ARIH1: variants seen among roughly 807,000 people sequenced by gnomAD.
The protein encoded by ARIH1 is E3 ubiquitin-protein ligase ARIH1.
ARIH1 carries 8 observed loss-of-function variants against 85.0 expected under a neutral mutation model. The ratio of observed to expected loss-of-function variants is 0.09; its 90% CI spans 0.06 to 0.17. ARIH1 has a LOEUF of 0.17. Among genes scored for constraint, ARIH1 ranks in the 10% least tolerant of loss-of-function variants. ARIH1 has a pLI of 1.00. For missense variants in ARIH1, 311 were observed against 718.1 expected (o/e 0.43, Z 6.48); for synonymous variants, 238 against 253.6 (o/e 0.94, Z 0.59).
chr15:72,568,706 T>G (rs1171567260), intron 9 of ARIH1, among the ~76,000 whole-genome samples: 1 of 152,152 alleles, frequency 6.6e-6, no homozygotes, highest in Non-Finnish European at 1.5e-5. Context: ...AACCAAGAAA[T>G]GTAGAATGTA....
chr15:72,578,438 A>G (rs1378024275), intron 11 of ARIH1, among the ~76,000 whole-genome samples: 1 of 152,108 alleles, frequency 6.6e-6, no homozygotes, highest in Non-Finnish European at 1.5e-5. Flanking sequence ...ATTTCTCTCA[A>G]TGTGAATGGT....
At chr15:72,580,024 TACTC>T (rs1294313125) in intron 11 of ARIH1, among the ~76,000 whole-genome samples, 3 of 152,200 alleles carry the variant, frequency 2.0e-5, no homozygotes, top group Non-Finnish European at 2.9e-5. Flanking sequence ...TCTCAAAACT[TACTC>T]ATCCAGTCTA....
At chr15:72,521,120 C>G (rs1057207526) in intron 2 of ARIH1, among the ~76,000 whole-genome samples, 5 of 150,880 alleles carry the variant, frequency 3.3e-5, no homozygotes, top group Non-Finnish European at 7.4e-5. Flanking sequence ...GCTGGAATTA[C>G]AGACATGAGC....
chr15:72,521,703 C>T (rs1391722550), intron 2 of ARIH1, among the ~76,000 whole-genome samples: 1 of 151,974 alleles, frequency 6.6e-6, no homozygotes, highest in African/African-American at 2.4e-5. Flanking sequence ...CACCCACCAC[C>T]ATGCCTGGCT....
chr15:72,576,584 C>A (rs988757389), intron 11 of ARIH1, among the ~76,000 whole-genome samples: 5 of 149,134 alleles, frequency 3.4e-5, no homozygotes, highest in Admixed American at 3.3e-4. Context: ...TTCTGCAAAT[C>A]AGGTATTGGA....
intron 2 of ARIH1, among the ~76,000 whole-genome samples, chr15:72,521,601 G>A (rs1304572362): frequency 6.6e-6 from 1 of 151,870 alleles, no homozygotes; most frequent in Non-Finnish European, 1.5e-5. Context: ...TGGAGGGAGT[G>A]CAAGTGGTGC....
chr15:72,574,206 A>T (rs1408446541), intron 11 of ARIH1, among the ~76,000 whole-genome samples: 1 of 152,228 alleles, frequency 6.6e-6, no homozygotes, highest in Non-Finnish European at 1.5e-5. Context: ...TTTGAGCCAG[A>T]GTCTAATGTT....
chr15:72,532,998 A>G (rs1443336246), intron 2 of ARIH1, among the ~76,000 whole-genome samples: 1 of 152,254 alleles, frequency 6.6e-6, no homozygotes, highest in Non-Finnish European at 1.5e-5. Flanking sequence ...TTTCCCTTTT[A>G]GATGGGAGTT....
intron 9 of ARIH1, 66 bp downstream of exon 9, chr15:72,567,243 A>G: frequency 7.7e-7 from 1 of 1,302,838 alleles, no homozygotes; most frequent in Non-Finnish European, 1.1e-6. Flanking sequence ...TGGCATTAGC[A>G]AAAGCAATGA....
chr15:72,522,018 A>C (rs2064002466), intron 2 of ARIH1, among the ~76,000 whole-genome samples: 1 of 151,934 alleles, frequency 6.6e-6, no homozygotes, highest in Non-Finnish European at 1.5e-5. Context: ...AGTCGTATTG[A>C]ATTGTTTATT....
At position 72,590,538 on chromosome 15, in the gene ARIH1, C is replaced by T. The variant is rs1327889301; in HGVS notation, c.*7246C>T. 1 of 151,880 alleles carries T rather than the reference C, an allele frequency of 6.6e-6. No individual in the cohort carries two copies. The highest frequency in any genetic ancestry group is 1.5e-5 in the Non-Finnish European group (1 of 67,984). The allele number at this position is 151,880 out of a possible 1,614,324, so 9.4% of individuals were successfully genotyped here. A position where few individuals can be genotyped will look rare whatever the true frequency, so the allele number is the denominator to read the frequency against. Reference sequence around the variant, plus strand: ...TTCCAAACCCTTCCCAGAAGTCTAACCTTACTTTGATCTGATGACATGGGC... The same window carrying T: ...TTCCAAACCCTTCCCAGAAGTCTAATCTTACTTTGATCTGATGACATGGGC... On this transcript the variant is annotated 3_prime_UTR_variant, in exon 14 of 14. Transcript: ENST00000379887.
intron 1 of ARIH1, among the ~76,000 whole-genome samples, chr15:72,493,045 C>T (rs2140397335): frequency 6.6e-6 from 1 of 152,270 alleles, no homozygotes. Flanking sequence ...GTAAGTGGTC[C>T]TGTAGACTAT....
intron 11 of ARIH1, among the ~76,000 whole-genome samples, chr15:72,577,040 G>A (rs181093025): frequency 6.6e-6 from 1 of 151,584 alleles, no homozygotes; most frequent in East Asian, 1.9e-4. Context: ...TGGAGTGCCA[G>A]TGGCAGGTCT....
At position 72,474,336 on chromosome 15, in the gene ARIH1, G is replaced by A; in HGVS notation, c.-304G>A. On this transcript the variant is annotated 5_prime_UTR_variant, in exon 1 of 14. Coordinates refer to ENST00000379887, the MANE Select transcript of ARIH1 (RefSeq NM_005744.5). ...CACGCCCCTTTGTTGGCTCAGTAGC[G>A]ATAGCAGCGGCCGTGGAGGTGGCGT... 2.7e-6 allele frequency: 1 copy of A among 373,586 alleles called. No individual in the cohort carries two copies. Among genetic ancestry groups the A allele is most frequent in the Non-Finnish European group, 4.9e-6 (1 of 204,366 alleles). The allele number at this position is 373,586 out of a possible 1,614,324, so 23.1% of individuals were successfully genotyped here.
chr15:72,509,929 G>T (rs1595856711), intron 1 of ARIH1, among the ~76,000 whole-genome samples: 1 of 150,744 alleles, frequency 6.6e-6, no homozygotes, highest in East Asian at 1.9e-4. Flanking sequence ...AAAGAGAGAT[G>T]GGGCCTCACT....
rs1268643330 is a variant in ARIH1 at position 72,474,636 on chromosome 15, C to A, written c.-4C>A. On this transcript the variant is annotated 5_prime_UTR_variant, in exon 1 of 14. Transcript: ENST00000379887. ...GCGTCCGCCGGGCCCCCGCGCGTCGCGCCATGGACTCGGACGAGGGCTACA... is the reference window on the plus strand; with the variant it reads ...GCGTCCGCCGGGCCCCCGCGCGTCGAGCCATGGACTCGGACGAGGGCTACA... 4 of 1,520,096 alleles carry A rather than the reference C, an allele frequency of 2.6e-6. No individual in the cohort carries two copies. Among genetic ancestry groups the A allele is most frequent in the Non-Finnish European group, 2.6e-6 (3 of 1,135,312 alleles). The allele number at this position is 1,520,096 out of a possible 1,614,324, so 94.2% of individuals were successfully genotyped here. A position where few individuals can be genotyped will look rare whatever the true frequency, so the allele number is the denominator to read the frequency against.
intron 7 of ARIH1, among the ~76,000 whole-genome samples, chr15:72,565,764 A>G (rs1490031249): frequency 6.6e-6 from 1 of 152,176 alleles, no homozygotes; most frequent in Non-Finnish European, 1.5e-5. Flanking sequence ...AACATGACAC[A>G]TATATTTGAA....
chr15:72,553,007 G>A (rs1038720642), intron 3 of ARIH1, among the ~76,000 whole-genome samples: 5 of 151,990 alleles, frequency 3.3e-5, no homozygotes, highest in African/African-American at 9.7e-5. Context: ...ACTCCTGACT[G>A]TAAGTGATCC....
intron 1 of ARIH1, among the ~76,000 whole-genome samples, chr15:72,477,646 C>T (rs2063799855): frequency 6.6e-6 from 1 of 152,118 alleles, no homozygotes; most frequent in Admixed American, 6.6e-5. Context: ...TATTTTCTTT[C>T]AGAAAACTTG....
Sources: allele counts gnomAD v4.1 joint callset (sites outside exome capture counted in the v4.1 genomes callset), GRCh38; gene constraint gnomAD v4.1.1; transcripts MANE v1.5; gene names NCBI Gene and HGNC (gene_info 2026-07-23, HGNC 2026-07-21).